The following CDH18 variants were observed in gnomAD, a reference collection of about 807,000 sequenced individuals.
CDH18 encodes the protein cadherin 18.
Under a neutral mutation model 67.9 loss-of-function variants are expected in CDH18, and 31 were observed. That is an observed-to-expected ratio of 0.46 (90% CI 0.34 to 0.62). The LOEUF (loss-of-function observed/expected upper bound fraction) is 0.62, where lower values mean the gene tolerates loss of function less well. Ranked by LOEUF, CDH18 falls within the 20% of genes least tolerant of loss-of-function variation. CDH18 has a pLI of 0.01. For synonymous variants in CDH18, 362 were observed against 347.2 expected (o/e 1.04, Z -0.48); for missense variants, 890 against 975.5 (o/e 0.91, Z 1.17).
At chr5:19,906,474 A>G (rs1161794034) in intron 2 of CDH18, among the ~76,000 whole-genome samples, 1 of 151,966 alleles carries the variant, frequency 6.6e-6, no homozygotes, top group African/African-American at 2.4e-5. Context: ...TATTAAAGAT[A>G]TTTCTGATTA....
At chr5:20,478,135 C>T (rs540401905) in intron 1 of CDH18, among the ~76,000 whole-genome samples, 7 of 152,224 alleles carry the variant, frequency 4.6e-5, no homozygotes, top group Non-Finnish European at 7.4e-5. Flanking sequence ...TTGGGTGAGA[C>T]CCAGGGATGT....
chr5:19,739,589 T>C (rs1470271903), intron 4 of CDH18, among the ~76,000 whole-genome samples: 4 of 152,124 alleles, frequency 2.6e-5, no homozygotes, highest in Admixed American at 2.6e-4. Flanking sequence ...GTGGGTTGGT[T>C]TGTACAAAAC....
At chr5:19,621,350 G>A (rs1750667896) in intron 5 of CDH18, among the ~76,000 whole-genome samples, 1 of 151,540 alleles carries the variant, frequency 6.6e-6, no homozygotes, top group Non-Finnish European at 1.5e-5. Flanking sequence ...ATCAACACCT[G>A]TCTTGTTTTT....
chr5:19,477,637 G>T (rs1738708546), intron 12 of CDH18, among the ~76,000 whole-genome samples: 1 of 151,914 alleles, frequency 6.6e-6, no homozygotes, highest in South Asian at 2.1e-4. Flanking sequence ...AATGAGTGCA[G>T]ATAATAATTA....
intron 3 of CDH18, among the ~76,000 whole-genome samples, chr5:19,834,171 G>C (rs1164362890): frequency 2.8e-5 from 4 of 142,004 alleles, no homozygotes; most frequent in African/African-American, 1.0e-4. Context: ...TTTTTTTATT[G>C]GTAGGCTATT....
chr5:20,460,307 G>A (rs555588301), intron 1 of CDH18, among the ~76,000 whole-genome samples: 3 of 151,866 alleles, frequency 2.0e-5, no homozygotes, highest in African/African-American at 7.3e-5. Context: ...CAGGAGAATC[G>A]CTTAAACCCA....
chr5:19,839,394 A>T (rs1498103), intron 2 of CDH18, 152 bp from the exon 3 acceptor site: 97,126 of 178,726 alleles, frequency 0.54, 26,782 homozygotes, highest in Middle Eastern at 0.65. Context: ...ATACACCTAT[A>T]TGTCTACATG....
intron 5 of CDH18, among the ~76,000 whole-genome samples, chr5:19,654,947 C>T (rs1304917189): frequency 1.3e-5 from 2 of 152,114 alleles, no homozygotes; most frequent in African/African-American, 2.4e-5. Context: ...CTTCTGTGCT[C>T]ATCTGTTCAA....
intron 11 of CDH18, 180 bp downstream of exon 11, chr5:19,502,812 T>A (rs746816851): frequency 1.7e-6 from 1 of 605,092 alleles, no homozygotes; most frequent in Non-Finnish European, 3.0e-6. Context: ...CAATGAAAGT[T>A]ATTTGTACAT....
At chr5:19,641,341 T>C (rs1411091059) in intron 5 of CDH18, among the ~76,000 whole-genome samples, 1 of 151,962 alleles carries the variant, frequency 6.6e-6, no homozygotes. Context: ...ACTCATTCCA[T>C]AAGGCCTGAA....
At chr5:19,790,245 A>G (rs1184114751) in intron 3 of CDH18, among the ~76,000 whole-genome samples, 1 of 152,168 alleles carries the variant, frequency 6.6e-6, no homozygotes, top group East Asian at 1.9e-4. Context: ...TCAACATACT[A>G]TAAGGGATGA....
At chr5:20,464,124 G>GAC (rs1054826508) in intron 1 of CDH18, among the ~76,000 whole-genome samples, 1 of 152,014 alleles carries the variant, frequency 6.6e-6, no homozygotes, top group Non-Finnish European at 1.5e-5. Context: ...TGATGAGGCT[G>GAC]ACACACACAA....
intron 8 of CDH18, among the ~76,000 whole-genome samples, chr5:19,566,573 C>G (rs1270456903): frequency 6.6e-6 from 1 of 152,088 alleles, no homozygotes; most frequent in Non-Finnish European, 1.5e-5. Context: ...AAGGTGAAAC[C>G]CCTTATAAAA....
intron 2 of CDH18, among the ~76,000 whole-genome samples, chr5:20,201,615 A>G (rs1391598693): frequency 6.6e-6 from 1 of 152,156 alleles, no homozygotes; most frequent in African/African-American, 2.4e-5. Context: ...AACAAACAGT[A>G]TCTAGAAACC....
chr5:19,683,041 T>A (rs2150390787), intron 5 of CDH18, among the ~76,000 whole-genome samples: 1 of 152,140 alleles, frequency 6.6e-6, no homozygotes, highest in Admixed American at 6.6e-5. Context: ...ACATATTATC[T>A]CCATTTTTAC....
At chr5:19,623,633 A>G (rs1470599411) in intron 5 of CDH18, among the ~76,000 whole-genome samples, 1 of 151,960 alleles carries the variant, frequency 6.6e-6, no homozygotes, top group African/African-American at 2.4e-5. Context: ...TCAAAAGATG[A>G]GATGCTTTAT....
At chr5:20,091,576 C>A (rs1229980311) in intron 2 of CDH18, among the ~76,000 whole-genome samples, 1 of 152,104 alleles carries the variant, frequency 6.6e-6, no homozygotes, top group Non-Finnish European at 1.5e-5. Flanking sequence ...ATATGGCCAT[C>A]ATAATCATTA....
At chr5:19,561,319 T>C (rs921258776) in intron 8 of CDH18, among the ~76,000 whole-genome samples, 1 of 152,120 alleles carries the variant, frequency 6.6e-6, no homozygotes, top group Non-Finnish European at 1.5e-5. Context: ...CATGGAATAC[T>C]AGTCAGCCAC....
At chr5:20,112,191 G>C (rs945699972) in intron 2 of CDH18, among the ~76,000 whole-genome samples, 1 of 152,132 alleles carries the variant, frequency 6.6e-6, no homozygotes, top group Non-Finnish European at 1.5e-5. Context: ...CAAGAACTCA[G>C]TATTAGTTAA....
Sources: allele counts gnomAD v4.1 joint callset (sites outside exome capture counted in the v4.1 genomes callset), GRCh38; gene constraint gnomAD v4.1.1; transcripts MANE v1.5; gene names NCBI Gene and HGNC (gene_info 2026-07-23, HGNC 2026-07-21).